The following IL1RAPL2 variants were observed in gnomAD, a reference collection of about 807,000 sequenced individuals.
IL1RAPL2 encodes X-linked interleukin-1 receptor accessory protein-like 2.
IL1RAPL2 carries 3 observed loss-of-function variants against 44.1 expected under a neutral mutation model. The ratio of observed to expected loss-of-function variants is 0.07; its 90% CI spans 0.03 to 0.18. The LOEUF is 0.18. Ranked by LOEUF, IL1RAPL2 falls within the 10% of genes least tolerant of loss-of-function variation. The probability of loss-of-function intolerance (pLI) is 1.00; values close to 1 mark genes in which losing one functional copy is unlikely to be tolerated. For synonymous variants in IL1RAPL2, 181 were observed against 178.8 expected (o/e 1.01, Z -0.10); for missense variants, 391 against 496.4 (o/e 0.79, Z 2.02).
intron 6 of IL1RAPL2, among the ~76,000 whole-genome samples, chrX:105,590,076 T>C (rs749392035): frequency 1.8e-5 from 2 of 111,599 alleles, no homozygotes; most frequent in South Asian, 7.4e-4. Context: ...TAATTCTCAT[T>C]GTAGATATAT....
chrX:104,998,656 CCAGCTGCT>C (rs1445684392), intron 2 of IL1RAPL2, among the ~76,000 whole-genome samples: 3 of 110,580 alleles, frequency 2.7e-5, no homozygotes, highest in Non-Finnish European at 5.7e-5. Context: ...ACCTATAGTC[CCAGCTGCT>C]CAGGAGGCAG....
Position 104,609,581 on chromosome X carries a change from C to G in IL1RAPL2, c.-20+42530C>G, listed in dbSNP as rs756039508. The stretch of plus-strand genomic sequence containing the variant: ...TCTTTTTTCTCCAACCTTGTCTTCT[C>G]TCTTTATTTCATTAAGTTGATCTTC... On this transcript the variant is annotated intron_variant, in intron 1 of 10. Transcript: ENST00000372582. 3.6e-5 allele frequency among the ~76,000 whole-genome samples: 4 copies of G among 111,973 alleles called. No individual in the cohort carries two copies. The East Asian group carries it at 8.4e-4, about 24-fold the overall frequency.
intron 2 of IL1RAPL2, among the ~76,000 whole-genome samples, chrX:104,814,910 G>C (rs1470520094): frequency 8.9e-6 from 1 of 111,960 alleles, no homozygotes; most frequent in Admixed American, 9.5e-5. Context: ...AGCAATATAG[G>C]AAAGTAGGAA....
chrX:105,692,882 A>T (rs2038047199), intron 6 of IL1RAPL2, among the ~76,000 whole-genome samples: 1 of 111,737 alleles, frequency 8.9e-6, no homozygotes, highest in South Asian at 3.8e-4. Context: ...ATCCCAAGAG[A>T]ACAATATATC....
chrX:104,886,364 A>AG (rs1488027502), intron 2 of IL1RAPL2, among the ~76,000 whole-genome samples: 1 of 110,806 alleles, frequency 9.0e-6, no homozygotes, highest in East Asian at 2.9e-4. Context: ...GAAGGGCAAA[A>AG]AATGCCTGCC....
At chrX:105,270,870 GTTAA>G (rs2034441384) in intron 5 of IL1RAPL2, among the ~76,000 whole-genome samples, 1 of 111,742 alleles carries the variant, frequency 8.9e-6, no homozygotes, top group Admixed American at 9.6e-5. Flanking sequence ...AATAGAGGTG[GTTAA>G]TTACAAAATT....
intron 5 of IL1RAPL2, among the ~76,000 whole-genome samples, chrX:105,297,947 ATTT>A (rs1306561958): frequency 9.0e-6 from 1 of 110,611 alleles, no homozygotes; most frequent in Non-Finnish European, 1.9e-5. Flanking sequence ...TTCTAAATAG[ATTT>A]TTGTCTTTTC....
intron 6 of IL1RAPL2, among the ~76,000 whole-genome samples, chrX:105,572,154 C>T (rs747200376): frequency 4.5e-5 from 5 of 111,227 alleles, no homozygotes; most frequent in Non-Finnish European, 5.7e-5. Flanking sequence ...AATTTTTCCC[C>T]GACATGTCCA....
chrX:105,329,058 G>A (rs999176661), intron 5 of IL1RAPL2, among the ~76,000 whole-genome samples: 3 of 112,171 alleles, frequency 2.7e-5, no homozygotes, highest in African/African-American at 9.7e-5. Context: ...CATAGCAAAG[G>A]CTATTTATTT....
chrX:105,036,158 TC>T (rs776027644), intron 2 of IL1RAPL2, among the ~76,000 whole-genome samples: 1 of 111,537 alleles, frequency 9.0e-6, no homozygotes, highest in African/African-American at 3.3e-5. Context: ...ATTTATCCCT[TC>T]TTAATTCTAA....
intron 6 of IL1RAPL2, among the ~76,000 whole-genome samples, chrX:105,706,214 G>C (rs896843896): frequency 9.0e-6 from 1 of 111,170 alleles, no homozygotes; most frequent in Non-Finnish European, 1.9e-5. Context: ...TGAGTCAGTA[G>C]ATGAGTAGTG....
intron 2 of IL1RAPL2, among the ~76,000 whole-genome samples, chrX:104,776,447 CA>C (rs1932721017): frequency 8.9e-6 from 1 of 112,059 alleles, no homozygotes; most frequent in South Asian, 3.7e-4. Flanking sequence ...CTTGGACCAA[CA>C]CTTAAGCTTT....
chrX:105,243,605 A>ATTT (rs1302757097), intron 4 of IL1RAPL2, among the ~76,000 whole-genome samples: 3,780 of 97,339 alleles, frequency 0.039, 195 homozygotes, highest in African/African-American at 0.14. Context: ...ATATATATAT[A>ATTT]TTTTTTTTTT....
At position 105,381,988 on chromosome X, in the gene IL1RAPL2, A is replaced by C. The variant is rs773710282; in HGVS notation, c.698-102325A>C. Among the ~76,000 whole-genome samples, 309 of 112,120 alleles carry C rather than the reference A, an allele frequency of 2.8e-3. 1 individual carries two copies. The highest frequency in any genetic ancestry group is 9.5e-3 in the African/African-American group (293 of 30,806). On this transcript the variant is annotated intron_variant, in intron 5 of 10. Coordinates refer to ENST00000372582, the MANE Select transcript of IL1RAPL2 (RefSeq NM_017416.2). Reference sequence around the variant, plus strand: ...TTAATTCAAGATGGATTAAAGACTTAAATGTTAGACCTAAAACCATAAAAA... The same window carrying C: ...TTAATTCAAGATGGATTAAAGACTTCAATGTTAGACCTAAAACCATAAAAA...
chrX:104,610,520 T>C lies in IL1RAPL2; in HGVS notation c.-20+43469T>C, dbSNP rs200724520. On this transcript the variant is annotated intron_variant, in intron 1 of 10. Coordinates refer to ENST00000372582, the MANE Select transcript of IL1RAPL2 (RefSeq NM_017416.2). ...GACAGCCAAATCATGAGTGAACTCCTATTCACAATTGCTTCAAAGAGAATA... is the reference window on the plus strand; with the variant it reads ...GACAGCCAAATCATGAGTGAACTCCCATTCACAATTGCTTCAAAGAGAATA... Among the ~76,000 whole-genome samples, 17 of 112,194 alleles carry C rather than the reference T, an allele frequency of 1.5e-4. No individual in the cohort carries two copies. In the Admixed American group the frequency reaches 1.6e-3, roughly 11 times the overall value.
intron 6 of IL1RAPL2, among the ~76,000 whole-genome samples, chrX:105,688,258 A>G (rs1388313339): frequency 8.9e-6 from 1 of 111,907 alleles, no homozygotes; most frequent in African/African-American, 3.2e-5. Flanking sequence ...AGGGCATTCA[A>G]TTAGGAAATG....
intron 5 of IL1RAPL2, among the ~76,000 whole-genome samples, chrX:105,326,355 C>A (rs1229840349): frequency 9.0e-6 from 1 of 111,318 alleles, no homozygotes; most frequent in African/African-American, 3.3e-5. Flanking sequence ...TGGTACTTGG[C>A]CTGTCTTCTT....
At chrX:104,918,394 A>G (rs1924527910) in intron 2 of IL1RAPL2, among the ~76,000 whole-genome samples, 1 of 111,771 alleles carries the variant, frequency 8.9e-6, no homozygotes. Context: ...TGTACTTGTC[A>G]TAATCATGGC....
At chrX:105,677,951 G>A (rs770605022) in intron 6 of IL1RAPL2, among the ~76,000 whole-genome samples, 2 of 112,092 alleles carry the variant, frequency 1.8e-5, no homozygotes, top group African/African-American at 3.2e-5. Context: ...GAAGAAAGCT[G>A]TATCCCCTGC....
Sources: allele counts gnomAD v4.1 joint callset (sites outside exome capture counted in the v4.1 genomes callset), GRCh38; gene constraint gnomAD v4.1.1; transcripts MANE v1.5; gene names NCBI Gene and HGNC (gene_info 2026-07-23, HGNC 2026-07-21).